Variants in GABRA3 observed in about 807,000 individuals in gnomAD.
GABRA3 encodes gamma-aminobutyric acid type A receptor subunit alpha3.
GABRA3 carries 10 observed loss-of-function variants against 30.1 expected under a neutral mutation model. The observed-to-expected ratio is 0.33, with a 90% CI of 0.20 to 0.56. The LOEUF is 0.56. GABRA3 is among the 20% of genes least tolerant of loss of function. The pLI, the probability that GABRA3 is intolerant of heterozygous loss-of-function variation, is 0.89. For synonymous variants in GABRA3, 151 were observed against 146.8 expected (o/e 1.03, Z -0.21); for missense variants, 233 against 392.0 (o/e 0.59, Z 3.42).
intron 3 of GABRA3, among the ~76,000 whole-genome samples, chrX:152,319,391 T>C (rs1015425221): frequency 9.0e-6 from 1 of 111,725 alleles, no homozygotes; most frequent in African/African-American, 3.3e-5. Flanking sequence ...CGGAGACCAA[T>C]GGGACAAAAT....
chrX:152,290,631 G>A (rs1309459102), intron 3 of GABRA3, among the ~76,000 whole-genome samples: 2 of 111,789 alleles, frequency 1.8e-5, no homozygotes, highest in Non-Finnish European at 3.8e-5. Flanking sequence ...TTCTTTTAGG[G>A]CTTTTACGGT....
At chrX:152,408,044 C>A (rs1333418507) in intron 1 of GABRA3, among the ~76,000 whole-genome samples, 1 of 111,175 alleles carries the variant, frequency 9.0e-6, no homozygotes, top group Non-Finnish European at 1.9e-5. Flanking sequence ...GACAAAAACT[C>A]TCAAAATCCG....
intron 4 of GABRA3, among the ~76,000 whole-genome samples, chrX:152,280,088 T>C (rs1026471939): frequency 4.5e-5 from 5 of 111,521 alleles, no homozygotes; most frequent in East Asian, 2.8e-4. Context: ...CTTTTCCTAA[T>C]TGAATACCAT....
At chrX:152,190,495 CCCTAA>C (rs1569351046) in intron 8 of GABRA3, among the ~76,000 whole-genome samples, 1 of 111,076 alleles carries the variant, frequency 9.0e-6, no homozygotes, top group African/African-American at 3.3e-5. Context: ...TTACTTCCTT[CCCTAA>C]CCTATTTTTT....
chrX:152,233,386 G>T (rs182034560), intron 5 of GABRA3, among the ~76,000 whole-genome samples: 13 of 109,863 alleles, frequency 1.2e-4, no homozygotes, highest in Admixed American at 1.2e-3. Flanking sequence ...AGTGCGCGAA[G>T]GACATGAACA....
At chrX:152,287,358 C>T (rs1337109150) in intron 3 of GABRA3, among the ~76,000 whole-genome samples, 1 of 110,845 alleles carries the variant, frequency 9.0e-6, no homozygotes, top group Non-Finnish European at 1.9e-5. Context: ...TGTGTCAAGG[C>T]GGGACCAGGT....
chrX:152,385,693 C>T (rs1929282582), intron 1 of GABRA3, among the ~76,000 whole-genome samples: 1 of 111,439 alleles, frequency 9.0e-6, no homozygotes, highest in Non-Finnish European at 1.9e-5. Flanking sequence ...ATGGTAATGC[C>T]TAGGTTTTCT....
intron 8 of GABRA3, among the ~76,000 whole-genome samples, chrX:152,190,901 G>T (rs1293367350): frequency 2.8e-5 from 3 of 108,053 alleles, no homozygotes; most frequent in African/African-American, 1.0e-4. Context: ...ATAAAATTGT[G>T]ATTAACGGTA....
At chrX:152,392,606 G>T (rs1178545739) in intron 1 of GABRA3, among the ~76,000 whole-genome samples, 1 of 111,445 alleles carries the variant, frequency 9.0e-6, no homozygotes, top group Admixed American at 9.6e-5. Flanking sequence ...CTCATAGATG[G>T]ATATAGTACA....
At chrX:152,206,197 A>AG (rs1304970820) in intron 7 of GABRA3, among the ~76,000 whole-genome samples, 3 of 112,643 alleles carry the variant, frequency 2.7e-5, no homozygotes, top group Non-Finnish European at 5.6e-5. Flanking sequence ...TGCAGCAGCA[A>AG]GGGTGGGCCT....
At chrX:152,181,072 T>TA (rs1937139499) in intron 9 of GABRA3, among the ~76,000 whole-genome samples, 1 of 44,154 alleles carries the variant, frequency 2.3e-5, no homozygotes, top group African/African-American at 9.0e-5. Flanking sequence ...CTATTTCTAT[T>TA]AAAAATGACA....
intron 7 of GABRA3, among the ~76,000 whole-genome samples, chrX:152,202,770 C>T (rs1418507559): frequency 5.4e-5 from 6 of 111,664 alleles, no homozygotes; most frequent in African/African-American, 1.6e-4. Flanking sequence ...AAATAAAACT[C>T]CAGATTATAT....
At chrX:152,442,553 T>A (rs1393718311) in intron 1 of GABRA3, among the ~76,000 whole-genome samples, 1 of 111,605 alleles carries the variant, frequency 9.0e-6, no homozygotes, top group African/African-American at 3.2e-5. Flanking sequence ...GAGCATAAAA[T>A]AAATGTTACT....
chrX:152,195,088 A>ATAT (rs1569352104), intron 8 of GABRA3, among the ~76,000 whole-genome samples: 1 of 112,212 alleles, frequency 8.9e-6, no homozygotes, highest in Non-Finnish European at 1.9e-5. Context: ...TTAGAAGGAT[A>ATAT]TATTGGCTAT....
intron 2 of GABRA3, among the ~76,000 whole-genome samples, chrX:152,346,024 T>C (rs772706860): frequency 1.5e-4 from 17 of 111,372 alleles, no homozygotes; most frequent in African/African-American, 5.2e-4. Flanking sequence ...CGGCATACAG[T>C]TGGTTCATCA....
chrX:152,372,771 G>T (rs1040702388), intron 1 of GABRA3, among the ~76,000 whole-genome samples: 1 of 111,677 alleles, frequency 9.0e-6, no homozygotes, highest in Non-Finnish European at 1.9e-5. Context: ...ATTATTCTAT[G>T]CTCTCAACTT....
intron 4 of GABRA3, among the ~76,000 whole-genome samples, chrX:152,277,048 T>C (rs1236547495): frequency 9.0e-6 from 1 of 111,692 alleles, no homozygotes; most frequent in Non-Finnish European, 1.9e-5. Flanking sequence ...TTTTAAAAAG[T>C]TGGATGATCA....
At chrX:152,359,126 G>A (rs1928405195) in intron 2 of GABRA3, among the ~76,000 whole-genome samples, 2 of 111,725 alleles carry the variant, frequency 1.8e-5, no homozygotes, top group South Asian at 7.4e-4. Flanking sequence ...AGTTGCAGTA[G>A]GAATGGTACC....
At chrX:152,432,739 G>A (rs1306508967) in intron 1 of GABRA3, among the ~76,000 whole-genome samples, 2 of 111,030 alleles carry the variant, frequency 1.8e-5, no homozygotes, top group African/African-American at 6.5e-5. Context: ...CCAGAAACTG[G>A]AAAAAGATGA....
Sources: gnomAD v4.1 joint callset for allele counts (sites outside exome capture counted in the v4.1 genomes callset) on GRCh38, gnomAD v4.1.1 for gene constraint, MANE v1.5 for transcripts, NCBI Gene and HGNC (gene_info 2026-07-23, HGNC 2026-07-21) for gene names.